The following AMHR2 variants were observed in gnomAD, a reference collection of about 807,000 sequenced individuals.
AMHR2 encodes anti-Muellerian hormone type-2 receptor.
A neutral mutation model predicts 61.4 loss-of-function variants in AMHR2; 36 were observed. The observed-to-expected ratio is 0.59, with a 90% CI of 0.45 to 0.77. AMHR2 has a LOEUF of 0.77. AMHR2 is among the 30% of genes least tolerant of loss of function. The probability of loss-of-function intolerance (pLI) is 0.00; values close to 1 mark genes in which losing one functional copy is unlikely to be tolerated. For synonymous variants in AMHR2, 258 were observed against 279.4 expected (o/e 0.92, Z 0.76); for missense variants, 638 against 714.6 (o/e 0.89, Z 1.22).
At chr12:53,424,620 G>A (rs1232560644) in intron 2 of AMHR2, 89 bp from the exon 3 acceptor site, 2 of 1,533,080 alleles carry the variant, frequency 1.3e-6, no homozygotes, top group Non-Finnish European at 1.8e-6. Context: ...CTCTGATAGA[G>A]AAGGGATTTA....
At chr12:53,428,810 A>T (rs1939837045) in intron 6 of AMHR2, 86 bp from the exon 7 acceptor site, 2 of 932,122 alleles carry the variant, frequency 2.1e-6, no homozygotes, top group Non-Finnish European at 3.4e-6. Context: ...ATGCAGGGAG[A>T]AGACTGTCAA....
At chr12:53,425,646 G>C (rs1939510723) in intron 5 of AMHR2, 43 bp from the exon 6 acceptor site, 1 of 1,612,938 alleles carries the variant, frequency 6.2e-7, no homozygotes, top group Non-Finnish European at 8.5e-7. Context: ...TCCTGGCCCT[G>C]TTATAGCTCA....
At chr12:53,425,102 G>C in intron 3 of AMHR2, 63 bp from the exon 4 acceptor site, 1 of 1,609,190 alleles carries the variant, frequency 6.2e-7, no homozygotes, top group East Asian at 2.2e-5. Context: ...TCTCAGGAGG[G>C]GAAGAGCAGA....
Position 53,431,573 on chromosome 12 carries a change from C to T in AMHR2, c.*100C>T. 1 of 1,496,236 alleles carries T rather than the reference C, an allele frequency of 6.7e-7. No homozygotes were observed. Among genetic ancestry groups the T allele is most frequent in the East Asian group, 2.3e-5 (1 of 44,232 alleles). The allele number at this position is 1,496,236 out of a possible 1,614,324, so 92.7% of individuals were successfully genotyped here. On this transcript the variant is annotated 3_prime_UTR_variant, in exon 11 of 11. Transcript: ENST00000257863. Reference sequence around the variant, plus strand: ...TCACTGCATTTCCCACCTGCCGAATCCTTGGATTCTTCTGCGGGCATCCAG... The same window carrying T: ...TCACTGCATTTCCCACCTGCCGAATTCTTGGATTCTTCTGCGGGCATCCAG...
chr12:53,430,446 A>G (rs1243283898), intron 10 of AMHR2, 164 bp downstream of exon 10: 1 of 1,045,626 alleles, frequency 9.6e-7, no homozygotes, highest in Non-Finnish European at 1.4e-6. Context: ...TCTCCCCGTC[A>G]GTTCATCCTC....
At chr12:53,428,866 T>C (rs1234496264) in intron 6 of AMHR2, 30 bp from the exon 7 acceptor site, 5 of 1,500,698 alleles carry the variant, frequency 3.3e-6, no homozygotes, top group Non-Finnish European at 3.6e-6. Context: ...CAGCTTTGTG[T>C]ACCATCCTTT....
chr12:53,430,915 C>T lies in AMHR2; in HGVS notation c.1426-262C>T, dbSNP rs776933963. The T allele has an allele frequency of 2.0e-5, 11 of 559,970 alleles. 1 individual carries two copies. Among genetic ancestry groups the T allele is most frequent in the South Asian group, 8.6e-5 (4 of 46,772 alleles). The allele number at this position is 559,970 out of a possible 1,614,324, so 34.7% of individuals were successfully genotyped here. A position where few individuals can be genotyped will look rare whatever the true frequency, so the allele number is the denominator to read the frequency against. ...TCTCTGAGAGGAAAGAGAGTAATTTCCCATTAGCATATTAAGCTGTCAACC... is the reference window on the plus strand; with the variant it reads ...TCTCTGAGAGGAAAGAGAGTAATTTTCCATTAGCATATTAAGCTGTCAACC... On this transcript the variant is annotated intron_variant, in intron 10 of 10. Coordinates refer to ENST00000257863, the MANE Select transcript of AMHR2 (RefSeq NM_020547.3).
chr12:53,429,206 C>T (rs1289609237), intron 7 of AMHR2, among the ~76,000 whole-genome samples, 196 bp downstream of exon 7: 1 of 152,102 alleles, frequency 6.6e-6, no homozygotes, highest in Non-Finnish European at 1.5e-5. Context: ...TCCTGGCTAA[C>T]ATGGTGAAAC....
chr12:53,424,912 A>T lies in AMHR2; in HGVS notation c.424+12A>T. 1 of 1,607,668 alleles carries T rather than the reference A, an allele frequency of 6.2e-7. No homozygotes were observed. The highest frequency in any genetic ancestry group is 8.5e-7 in the Non-Finnish European group (1 of 1,179,292). ...CCAGGCTGCCCCAGGTAGCCACCCA[A>T]GGGTACTGAAGCCTGATGGGGGCTG... On this transcript the variant is annotated intron_variant, in intron 3 of 10. Transcript: ENST00000257863.
Position 53,429,465 on chromosome 12 carries a change from C to T in AMHR2, c.980C>T (p.Pro327Leu). ...GATTCCCCCACAGGCCAATATAAAC[C>T]AGGTATTGCCCACCGAGATCTGAGC... ...EERWQNGQYK[P>L]GIAHRDLSSQ... Residue 327 changes from proline (P) to leucine (L), a missense_variant, in exon 8 of 11, where the codon CCA (proline) becomes CTA (leucine). Physicochemically the swap from Pro to Leu is moderately conservative, Grantham distance 98. Coordinates refer to ENST00000257863, the MANE Select transcript of AMHR2 (RefSeq NM_020547.3). 3 of 1,600,518 alleles carry T rather than the reference C, an allele frequency of 1.9e-6. No homozygotes were observed. The highest frequency in any genetic ancestry group is 2.6e-6 in the Non-Finnish European group (3 of 1,174,630).
chr12:53,429,790 C>A (rs1283575498), intron 8 of AMHR2, 41 bp from the exon 9 acceptor site: 1 of 1,613,712 alleles, frequency 6.2e-7, no homozygotes, highest in East Asian at 2.2e-5. Context: ...ATGAGGATTG[C>A]CACAGAGATG....
intron 1 of AMHR2, 89 bp from the exon 2 acceptor site, chr12:53,424,199 A>G (rs1939322462): frequency 2.6e-6 from 4 of 1,528,010 alleles, no homozygotes; most frequent in Non-Finnish European, 2.7e-6. Context: ...TGGGATGTGG[A>G]ACATGTTTTG....
In AMHR2 at chr12:53,427,029, C is replaced by A. The variant is rs1011535744; in HGVS notation, c.852+1110C>A. Among the ~76,000 whole-genome samples the A allele has an allele frequency of 3.3e-5, 5 of 151,908 alleles. No individual in the cohort carries two copies. In the East Asian group the frequency reaches 9.7e-4, roughly 29 times the overall value. ...GTTAAAGAAATATCTTCAGGCACAG[C>A]CCTCCAAACTCATTCGTATTCATTC... On this transcript the variant is annotated intron_variant, in intron 6 of 10. Coordinates refer to ENST00000257863, the MANE Select transcript of AMHR2 (RefSeq NM_020547.3).
chr12:53,425,943 T>G, intron 6 of AMHR2, 24 bp downstream of exon 6: 3 of 1,599,768 alleles, frequency 1.9e-6, no homozygotes, highest in Non-Finnish European at 2.6e-6. Context: ...AGTGTATATG[T>G]GTGTGTGTGT....
At chr12:53,431,000 C>T (rs1592609361) in intron 10 of AMHR2, 177 bp from the exon 11 acceptor site, 2 of 783,932 alleles carry the variant, frequency 2.6e-6, no homozygotes, top group East Asian at 5.3e-5. Context: ...GAGCCTGTTT[C>T]ATAGGGAGCA....
intron 8 of AMHR2, 92 bp downstream of exon 8, chr12:53,429,717 C>G: frequency 4.4e-6 from 7 of 1,598,888 alleles, no homozygotes; most frequent in Non-Finnish European, 6.0e-6. Flanking sequence ...GTAGCAATAC[C>G]TATAGCATTT....
At chr12:53,429,244 T>A (rs1161406231) in intron 7 of AMHR2, among the ~76,000 whole-genome samples, 1 of 151,784 alleles carries the variant, frequency 6.6e-6, no homozygotes, top group Non-Finnish European at 1.5e-5. Flanking sequence ...TACAAAATAT[T>A]AGCCGGGCGT....
At chr12:53,428,592 A>G (rs1368844517) in intron 6 of AMHR2, among the ~76,000 whole-genome samples, 2 of 152,160 alleles carry the variant, frequency 1.3e-5, no homozygotes, top group Non-Finnish European at 2.9e-5. Context: ...AAAGCTCTTC[A>G]TCTGTTAAAT....
chr12:53,423,881 G>T lies in AMHR2; in HGVS notation c.-54G>T, dbSNP rs531242973. On this transcript the variant is annotated 5_prime_UTR_variant, in exon 1 of 11. Coordinates refer to ENST00000257863, the MANE Select transcript of AMHR2 (RefSeq NM_020547.3). The stretch of plus-strand genomic sequence containing the variant: ...TATCTGAAGAAAGATTTGGCCAGGG[G>T]CAGCTGTGCTGGCTTATGCTCTTCT... 7.7e-5 allele frequency: 123 copies of T among 1,601,678 alleles called. 1 individual carries two copies. The South Asian group carries it at 1.2e-3, about 16-fold the overall frequency.
Sources: gnomAD v4.1 joint callset for allele counts (sites outside exome capture counted in the v4.1 genomes callset) on GRCh38, gnomAD v4.1.1 for gene constraint, MANE v1.5 for transcripts, NCBI Gene and HGNC (gene_info 2026-07-23, HGNC 2026-07-21) for gene names.